Variants in GARRE1 observed in about 807,000 individuals in gnomAD.
GARRE1 encodes the protein granule associated Rac and RHOG effector protein 1.
GARRE1 carries 49 observed loss-of-function variants against 103.2 expected under a neutral mutation model. The observed-to-expected ratio is 0.47, with a 90% CI of 0.38 to 0.60. The LOEUF (loss-of-function observed/expected upper bound fraction) is 0.60. GARRE1 is among the 20% of genes least tolerant of loss of function. The pLI, the probability that GARRE1 is intolerant of heterozygous loss-of-function variation, is 0.00. For missense variants in GARRE1, 1,199 were observed against 1,370.5 expected, an observed-to-expected ratio of 0.87 and a Z score of 1.98; for synonymous variants, 505 against 532.8, an observed-to-expected ratio of 0.95 and a Z score of 0.72.
Position 34,355,326 on chromosome 19 carries a change from T to C in GARRE1, c.*2371T>C, listed in dbSNP as rs1355582295. The stretch of plus-strand genomic sequence containing the variant: ...CTGTGTTCCCGGCACCGCCTTGCTC[T>C]GAACACTGGTAATTCCAGGTGCTGC... On this transcript the variant is annotated 3_prime_UTR_variant, in exon 14 of 14. Coordinates refer to ENST00000299505, the MANE Select transcript of GARRE1 (RefSeq NM_014686.5). 2 of 152,732 alleles carry C rather than the reference T, an allele frequency of 1.3e-5. No individual in the cohort carries two copies. The highest frequency in any genetic ancestry group is 1.5e-5 in the Non-Finnish European group (1 of 68,068). 9.5% of individuals were successfully genotyped at this position (152,732 alleles called of 1,614,324 possible).
chr19:34,304,965 T>G (rs1179365868), intron 2 of GARRE1, among the ~76,000 whole-genome samples: 1 of 151,962 alleles, frequency 6.6e-6, no homozygotes, highest in Non-Finnish European at 1.5e-5. Context: ...CTAATTTTTT[T>G]GTATTTTTAG....
At chr19:34,321,240 TTTTTTTTTTG>T (rs2074087297) in intron 3 of GARRE1, among the ~76,000 whole-genome samples, 1 of 117,840 alleles carries the variant, frequency 8.5e-6, no homozygotes, top group African/African-American at 3.6e-5. Flanking sequence ...TTTTTTTTTT[TTTTTTTTTTG>T]TATTTTTAGT....
In GARRE1 at chr19:34,342,060, C is replaced by T. The variant is rs151333720; in HGVS notation, c.2126C>T (p.Thr709Ile). 20 of 1,614,030 alleles carry T rather than the reference C, an allele frequency of 1.2e-5. No homozygotes were observed. The African/African-American group carries it at 2.4e-4, about 19-fold the overall frequency. Residue 709 changes from threonine (T) to isoleucine (I), a missense_variant, in exon 10 of 14, where the codon ACA becomes ATA. Transcript: ENST00000299505. ...CGGGCACCCCAGGCTGGGGCACACA[C>T]ACCTCTGACACCCCAGCCGGGACTG... ...PPRAPQAGAH[T>I]PLTPQPGLAP... is the part of the protein sequence containing the mutation.
At chr19:34,333,997 G>A (rs1249303099) in intron 8 of GARRE1, among the ~76,000 whole-genome samples, 196 bp downstream of exon 8, 1 of 152,132 alleles carries the variant, frequency 6.6e-6, no homozygotes, top group Non-Finnish European at 1.5e-5. Flanking sequence ...AAGCCAAGAG[G>A]TCTGAAAAAT....
At chr19:34,270,503 A>T (rs539921261) in intron 1 of GARRE1, among the ~76,000 whole-genome samples, 1 of 152,248 alleles carries the variant, frequency 6.6e-6, no homozygotes, top group South Asian at 2.1e-4. Flanking sequence ...AGGTAAGGAT[A>T]GGGAGGTGGA....
chr19:34,261,143 C>T (rs1043332338), intron 1 of GARRE1, among the ~76,000 whole-genome samples: 4 of 152,284 alleles, frequency 2.6e-5, no homozygotes, highest in East Asian at 3.8e-4. Context: ...GATAGCTGCA[C>T]GTGGAGATTT....
chr19:34,350,745 C>T (rs1474461590), intron 12 of GARRE1, among the ~76,000 whole-genome samples: 1 of 152,058 alleles, frequency 6.6e-6, no homozygotes, highest in Non-Finnish European at 1.5e-5. Context: ...CCATGCCCGG[C>T]TAATTTTTTG....
At chr19:34,348,898 CAA>C (rs2074224656) in intron 11 of GARRE1, 116 bp from the exon 12 acceptor site, 1 of 1,176,558 alleles carries the variant, frequency 8.5e-7, no homozygotes, top group African/African-American at 1.5e-5. Flanking sequence ...AAGGGAGAGA[CAA>C]GAGACCACTA....
At chr19:34,295,913 A>G (rs2073944396) in intron 1 of GARRE1, among the ~76,000 whole-genome samples, 1 of 152,152 alleles carries the variant, frequency 6.6e-6, no homozygotes, top group Non-Finnish European at 1.5e-5. Context: ...CATTTATTGA[A>G]GAGACTGTTC....
chr19:34,327,739 G>C, intron 4 of GARRE1, 32 bp from the exon 5 acceptor site: 2 of 1,581,998 alleles, frequency 1.3e-6, no homozygotes, highest in East Asian at 2.2e-5. Flanking sequence ...TTTGCTTTAC[G>C]ATCTTGATTG....
intron 10 of GARRE1, among the ~76,000 whole-genome samples, chr19:34,346,002 A>C (rs1000903896): frequency 6.6e-6 from 1 of 152,150 alleles, no homozygotes; most frequent in African/African-American, 2.4e-5. Flanking sequence ...TAAGATCTGC[A>C]TAGCCCTTGA....
chr19:34,287,134 C>G lies in GARRE1; in HGVS notation c.-795-12545C>G, dbSNP rs1482799296. Among the ~76,000 whole-genome samples, 33 of 94,426 alleles carry G rather than the reference C, an allele frequency of 3.5e-4. No homozygotes were observed. In the Admixed American group the frequency reaches 4.4e-3, roughly 13 times the overall value. 61.9% of individuals were successfully genotyped at this position (94,426 alleles called of 152,430 possible). A position where few individuals can be genotyped will look rare whatever the true frequency, so the allele number is the denominator to read the frequency against. ...AGCCTGGGAGACAGAGCAAGACTGTCTCAAAAAAAAAAAAAAAAAAAGTGT... is the reference window on the plus strand; with the variant it reads ...AGCCTGGGAGACAGAGCAAGACTGTGTCAAAAAAAAAAAAAAAAAAAGTGT... On this transcript the variant is annotated intron_variant, in intron 1 of 13. Coordinates refer to ENST00000299505, the MANE Select transcript of GARRE1 (RefSeq NM_014686.5).
chr19:34,341,600 A>G lies in GARRE1; in HGVS notation c.1666A>G (p.Thr556Ala). ...TTCATGTACCAGCTCCAGCAGCAGC[A>G]CAAATTATTCCATCCAAAATACCCC... ...KASCTSSSSS[T>A]NYSIQNTPSK... The change falls in exon 10 of 14, where the codon ACA becomes GCA. Residue 556 changes from threonine (T) to alanine (A), a missense_variant. Thr to Ala is a moderately conservative substitution (Grantham distance 58, BLOSUM62 0). Transcript: ENST00000299505. 1 of 1,614,226 alleles carries G rather than the reference A, an allele frequency of 6.2e-7. No homozygotes were observed. The highest frequency in any genetic ancestry group is 1.3e-5 in the African/African-American group (1 of 75,062).
intron 1 of GARRE1, among the ~76,000 whole-genome samples, chr19:34,284,015 A>T (rs2073871050): frequency 6.6e-6 from 1 of 150,910 alleles, no homozygotes; most frequent in Non-Finnish European, 1.5e-5. Context: ...GTATTTTAGT[A>T]GAGACGGGGT....
rs1361298109 is a variant in GARRE1 at position 34,347,905 on chromosome 19, T to C, written c.2550T>C (p.Tyr850=). ...GCTCAGACCCAGAGTTTGCACGCTA[T>C]GTGGCAGGAGTGAGCCAGGCGATGC... ...AVGSDPEFAR[Y]VAGVSQAMQQ... Residue 850 remains tyrosine, a synonymous_variant, in exon 11 of 14, where the codon TAT becomes TAC. Coordinates refer to ENST00000299505, the MANE Select transcript of GARRE1 (RefSeq NM_014686.5). 6.3e-7 allele frequency: 1 copy of C among 1,583,774 alleles called. No homozygotes were observed. Among genetic ancestry groups the C allele is most frequent in the South Asian group, 1.1e-5 (1 of 87,350 alleles).
At chr19:34,288,339 T>G (rs759089588) in intron 1 of GARRE1, among the ~76,000 whole-genome samples, 1 of 152,170 alleles carries the variant, frequency 6.6e-6, no homozygotes, top group Non-Finnish European at 1.5e-5. Context: ...CAAAGGAAAC[T>G]GTGACTCTTC....
At chr19:34,311,595 A>T (rs561627689) in intron 2 of GARRE1, among the ~76,000 whole-genome samples, 19 of 152,238 alleles carry the variant, frequency 1.2e-4, no homozygotes, top group Middle Eastern at 3.4e-3. Context: ...TTAGAAAAAA[A>T]TAAACATAAT....
intron 11 of GARRE1, chr19:34,348,508 A>G (rs796906342): frequency 1.3e-4 from 20 of 155,326 alleles, no homozygotes; most frequent in African/African-American, 2.6e-4. Flanking sequence ...GGATTTTTTT[A>G]TATCCCATAT....
intron 1 of GARRE1, among the ~76,000 whole-genome samples, chr19:34,284,725 C>T (rs985649371): frequency 6.6e-6 from 1 of 152,148 alleles, no homozygotes; most frequent in African/African-American, 2.4e-5. Context: ...ATAGTGGATT[C>T]ATAAATGGTG....
Sources: gnomAD v4.1 joint callset for allele counts (sites outside exome capture counted in the v4.1 genomes callset) on GRCh38, gnomAD v4.1.1 for gene constraint, MANE v1.5 for transcripts, NCBI Gene and HGNC (gene_info 2026-07-23, HGNC 2026-07-21) for gene names.